The following PACS1 variants were observed in gnomAD, a reference collection of about 807,000 sequenced individuals.
PACS1 encodes the protein PACS-1.
Under a neutral mutation model 115.0 loss-of-function variants are expected in PACS1, and 24 were observed. That is an observed-to-expected ratio of 0.21 (90% confidence interval 0.15 to 0.29). The LOEUF (loss-of-function observed/expected upper bound fraction) is 0.29. Among genes scored for constraint, PACS1 ranks in the 10% least tolerant of loss-of-function variants. PACS1 has a pLI of 1.00. For synonymous variants in PACS1, 453 were observed against 504.5 expected (o/e 0.90, Z 1.37); for missense variants, 838 against 1,251.2 (o/e 0.67, Z 4.98).
chr11:66,084,454 C>T (rs951837901), intron 1 of PACS1, among the ~76,000 whole-genome samples: 4 of 151,946 alleles, frequency 2.6e-5, no homozygotes, highest in African/African-American at 7.3e-5. Flanking sequence ...TTTGAGCCAG[C>T]GAGGAGGCAT....
chr11:66,174,008 T>C (rs1859795945), intron 1 of PACS1, among the ~76,000 whole-genome samples: 1 of 151,586 alleles, frequency 6.6e-6, no homozygotes, highest in Middle Eastern at 3.2e-3. Context: ...GTCGAGATCG[T>C]GCCATTGCAC....
chr11:66,071,145 C>T (rs1257990870), intron 1 of PACS1, among the ~76,000 whole-genome samples: 1 of 152,228 alleles, frequency 6.6e-6, no homozygotes, highest in Non-Finnish European at 1.5e-5. Flanking sequence ...GTCAGTTTCC[C>T]TGAGTAAGTC....
At chr11:66,104,714 G>T (rs1173917200) in intron 1 of PACS1, among the ~76,000 whole-genome samples, 2 of 152,172 alleles carry the variant, frequency 1.3e-5, no homozygotes, top group African/African-American at 2.4e-5. Context: ...ATATACAGGG[G>T]TATACAGGAG....
intron 1 of PACS1, among the ~76,000 whole-genome samples, chr11:66,124,929 C>T (rs1858535070): frequency 6.6e-6 from 1 of 152,152 alleles, no homozygotes; most frequent in South Asian, 2.1e-4. Context: ...CCCGCTGGCT[C>T]CCCATGGTCT....
chr11:66,076,582 G>A (rs573439583), intron 1 of PACS1, among the ~76,000 whole-genome samples: 28 of 152,224 alleles, frequency 1.8e-4, no homozygotes, highest in South Asian at 1.0e-3. Flanking sequence ...TAGTAGAGAC[G>A]GGGTTTCCCC....
At position 66,239,199 on chromosome 11, in the gene PACS1, C is replaced by A; in HGVS notation, c.2351C>A (p.Ser784Tyr). 6.2e-7 allele frequency: 1 copy of A among 1,614,144 alleles called. No homozygotes were observed. Among genetic ancestry groups the A allele is most frequent in the Non-Finnish European group, 8.5e-7 (1 of 1,180,026 alleles). Residue 784 changes from serine to tyrosine, a missense_variant, in exon 21 of 24, where the codon TCC becomes TAC. By Grantham distance (144) the Ser-to-Tyr change is moderately radical. Transcript: ENST00000320580. ...ACTGTGCCCTCCACATCACCACCCTCCAGCTCGGGCCTGAGCCGAGACGCC... is the reference window on the plus strand; with the variant it reads ...ACTGTGCCCTCCACATCACCACCCTACAGCTCGGGCCTGAGCCGAGACGCC... ...SLTVPSTSPP[S>Y]SSGLSRDATA...
intron 1 of PACS1, among the ~76,000 whole-genome samples, chr11:66,130,371 GA>G (rs1380296126): frequency 6.6e-6 from 1 of 151,950 alleles, no homozygotes; most frequent in Admixed American, 6.6e-5. Flanking sequence ...CTGCCCCTTT[GA>G]ATTTGTTACT....
At chr11:66,094,619 A>G (rs2134517869) in intron 1 of PACS1, among the ~76,000 whole-genome samples, 1 of 152,350 alleles carries the variant, frequency 6.6e-6, no homozygotes, top group East Asian at 1.9e-4. Context: ...CCAGAGGTAC[A>G]AGGAGGAACT....
At chr11:66,207,445 C>T (rs988209331) in intron 2 of PACS1, among the ~76,000 whole-genome samples, 11 of 152,300 alleles carry the variant, frequency 7.2e-5, no homozygotes, top group Non-Finnish European at 1.5e-4. Context: ...CCAGCCTAGT[C>T]GACAGAGCAA....
intron 1 of PACS1, among the ~76,000 whole-genome samples, chr11:66,148,681 T>C (rs1859175497): frequency 6.6e-6 from 1 of 152,160 alleles, no homozygotes; most frequent in Non-Finnish European, 1.5e-5. Flanking sequence ...ATCTCAGCAC[T>C]TTGGGAGGCC....
Position 66,171,755 on chromosome 11 carries a change from A to G in PACS1, c.357-21731A>G, listed in dbSNP as rs974676109. ...CCACCACGCCCCGCTAATTTTTTGT[A>G]TTTTTAGTAGAGACGGGGTTTCACC... On this transcript the variant is annotated intron_variant, in intron 1 of 23. Coordinates refer to ENST00000320580, the MANE Select transcript of PACS1 (RefSeq NM_018026.4). Among the ~76,000 whole-genome samples the G allele has an allele frequency of 1.6e-4, 24 of 149,276 alleles. 4 individuals are homozygous for G. Among genetic ancestry groups the G allele is most frequent in the African/African-American group, 6.2e-4 (24 of 39,008 alleles).
intron 1 of PACS1, among the ~76,000 whole-genome samples, chr11:66,193,021 T>G (rs575618686): frequency 3.3e-5 from 5 of 152,214 alleles, no homozygotes; most frequent in Admixed American, 6.5e-5. Context: ...ATCTGTCAGG[T>G]GTGATCAGGT....
At chr11:66,238,898 C>T in intron 20 of PACS1, 52 bp downstream of exon 20, 1 of 1,510,934 alleles carries the variant, frequency 6.6e-7, no homozygotes, top group Non-Finnish European at 9.0e-7. Context: ...CCCTCCCTGT[C>T]TTCCCTCTAG....
chr11:66,193,589 C>A lies in PACS1; in HGVS notation c.444+16C>A. The stretch of plus-strand genomic sequence containing the variant: ...GAAGCTGCAGGTGAGTGGGGCAGGA[C>A]TGTTTGTTCAGGGCCCAGGGAAGCT... On this transcript the variant is annotated intron_variant, in intron 2 of 23. Transcript: ENST00000320580. 1 of 1,591,528 alleles carries A rather than the reference C, an allele frequency of 6.3e-7. No homozygotes were observed. The highest frequency in any genetic ancestry group is 8.6e-7 in the Non-Finnish European group (1 of 1,159,750).
intron 1 of PACS1, among the ~76,000 whole-genome samples, chr11:66,089,037 C>G (rs1379456735): frequency 6.6e-6 from 1 of 152,026 alleles, no homozygotes; most frequent in Non-Finnish European, 1.5e-5. Flanking sequence ...ATAGAGGACT[C>G]TTTTTTAAGC....
intron 11 of PACS1, among the ~76,000 whole-genome samples, chr11:66,228,736 A>G (rs1855516904): frequency 6.6e-6 from 1 of 152,130 alleles, no homozygotes; most frequent in Non-Finnish European, 1.5e-5. Flanking sequence ...CATACCTGTT[A>G]CCCAGGGGAG....
rs1449156883 is a variant in PACS1 at position 66,070,374 on chromosome 11, C to G, written c.-113C>G. 3.2e-5 allele frequency: 18 copies of G among 561,458 alleles called. No individual in the cohort carries two copies. Among genetic ancestry groups the G allele is most frequent in the Admixed American group, 4.9e-5 (1 of 20,218 alleles). The allele number at this position is 561,458 out of a possible 1,614,324, so 34.8% of individuals were successfully genotyped here. ...GCGTGCAGCTCGCTGGCTGCTCGCG[C>G]TCGGGCAGGCGGGCTGAGGAGGCTG... On this transcript the variant is annotated 5_prime_UTR_variant, in exon 1 of 24. Coordinates refer to ENST00000320580, the MANE Select transcript of PACS1 (RefSeq NM_018026.4). This position sits in a 1 kb window ranked among gnomAD's most constrained non-coding sequence, Gnocchi z 5.9.
chr11:66,098,102 G>A (rs576234135), intron 1 of PACS1, among the ~76,000 whole-genome samples: 1 of 152,154 alleles, frequency 6.6e-6, no homozygotes, highest in Non-Finnish European at 1.5e-5. Flanking sequence ...ACTTGAGCTC[G>A]GGAGATGGAA....
At chr11:66,097,360 G>A (rs1019509002) in intron 1 of PACS1, among the ~76,000 whole-genome samples, 5 of 152,104 alleles carry the variant, frequency 3.3e-5, no homozygotes, top group South Asian at 2.1e-4. Context: ...GTGCTGTGTT[G>A]TGAGCTGCCT....
Sources: gnomAD v4.1 joint callset for allele counts (sites outside exome capture counted in the v4.1 genomes callset) on GRCh38, gnomAD v4.1.1 for gene constraint, Gnocchi (gnomAD v3.1) non-coding constraint, MANE v1.5 for transcripts, NCBI Gene and HGNC (gene_info 2026-07-23, HGNC 2026-07-21) for gene names.